Variants in HDAC4 observed in about 807,000 individuals in gnomAD.
HDAC4 encodes the protein histone deacetylase A.
Under a neutral mutation model 135.1 loss-of-function variants are expected in HDAC4, and 16 were observed. The ratio of observed to expected loss-of-function variants is 0.12; its 90% CI spans 0.08 to 0.18. HDAC4 has a LOEUF of 0.18. Ranked by LOEUF, HDAC4 falls within the 10% of genes least tolerant of loss-of-function variation. The pLI is 1.00. For missense variants in HDAC4, 1,143 were observed against 1,511.8 expected (o/e 0.76, Z 4.05); for synonymous variants, 685 against 653.4 (o/e 1.05, Z -0.74).
chr2:239,310,965 T>G (rs909991271), intron 2 of HDAC4, among the ~76,000 whole-genome samples: 3 of 152,308 alleles, frequency 2.0e-5, no homozygotes, highest in South Asian at 2.1e-4. Context: ...GCCCTAATAC[T>G]AAGCAAGAGC....
At chr2:239,144,864 G>A (rs982527355) in intron 7 of HDAC4, 150 bp from the exon 8 acceptor site, 10 of 754,312 alleles carry the variant, frequency 1.3e-5, no homozygotes, top group Non-Finnish European at 2.1e-5. Context: ...GGGAGCTCAC[G>A]AAGCAGGGGA....
At chr2:239,255,127 T>G (rs1463552666) in intron 2 of HDAC4, among the ~76,000 whole-genome samples, 2 of 152,250 alleles carry the variant, frequency 1.3e-5, no homozygotes, top group African/African-American at 2.4e-5. Context: ...CAAGGGATTA[T>G]GTCAGAAGGA....
intron 1 of HDAC4, among the ~76,000 whole-genome samples, chr2:239,359,787 G>T (rs1693742478): frequency 6.6e-6 from 1 of 152,204 alleles, no homozygotes; most frequent in Admixed American, 6.5e-5. Context: ...GGAAGCAGAA[G>T]ACTCGGGAAT....
intron 2 of HDAC4, among the ~76,000 whole-genome samples, chr2:239,243,469 A>G (rs2048307784): frequency 6.6e-6 from 1 of 152,152 alleles, no homozygotes; most frequent in Non-Finnish European, 1.5e-5. Flanking sequence ...TTAACATTCT[A>G]AAGTGTGTTT....
chr2:239,229,791 G>A (rs1299692420), intron 3 of HDAC4, among the ~76,000 whole-genome samples: 2 of 152,170 alleles, frequency 1.3e-5, no homozygotes, highest in Non-Finnish European at 2.9e-5. Context: ...TGTGGATGAG[G>A]CCTCCAGGAA....
chr2:239,336,729 G>A lies in HDAC4; in HGVS notation c.22+15949C>T, dbSNP rs530564981. 3.9e-5 allele frequency among the ~76,000 whole-genome samples: 6 copies of A among 152,300 alleles called. No individual in the cohort carries two copies. In the East Asian group the frequency reaches 1.2e-3, roughly 29 times the overall value. On this transcript the variant is annotated intron_variant, in intron 2 of 26. Coordinates refer to ENST00000543185, the MANE Select transcript of HDAC4 (RefSeq NM_001378414.1). The stretch of plus-strand genomic sequence containing the variant: ...CCAATACCACCTGCACATTCCCCGC[G>A]ATTATTAGCATCCTACCTTACTACG...
At chr2:239,205,174 T>C (rs1028745411) in intron 3 of HDAC4, among the ~76,000 whole-genome samples, 2 of 152,184 alleles carry the variant, frequency 1.3e-5, no homozygotes, top group Admixed American at 1.3e-4. Flanking sequence ...AACCTCTACA[T>C]ACTGTCAGAA....
intron 2 of HDAC4, among the ~76,000 whole-genome samples, chr2:239,321,992 A>G (rs2053331966): frequency 6.6e-6 from 1 of 152,250 alleles, no homozygotes; most frequent in Non-Finnish European, 1.5e-5. Flanking sequence ...AAGCGGAAGT[A>G]CACTCCACAG....
At chr2:239,288,186 G>A (rs1006377553) in intron 2 of HDAC4, among the ~76,000 whole-genome samples, 7 of 152,082 alleles carry the variant, frequency 4.6e-5, no homozygotes, top group African/African-American at 1.7e-4. Flanking sequence ...CAAACAAGCT[G>A]AATCCACTGG....
In HDAC4 at chr2:239,115,649, G is replaced by A. The variant is rs2152811333; in HGVS notation, c.1534-339C>T. On this transcript the variant is annotated intron_variant, in intron 12 of 26. Coordinates refer to ENST00000543185, the MANE Select transcript of HDAC4 (RefSeq NM_001378414.1). This position sits in a 1 kb window ranked among gnomAD's most constrained non-coding sequence, Gnocchi z 6.3. ...GCTGCAGGTGTCAACAGAGTCTGCA[G>A]AGGAGAGCTTGAGTGTGAAGGGGAG... Among the ~76,000 whole-genome samples, 1 of 152,198 alleles carries A rather than the reference G, an allele frequency of 6.6e-6. No homozygotes were observed. The highest frequency in any genetic ancestry group is 1.9e-4 in the East Asian group (1 of 5,160).
chr2:239,302,730 C>T (rs569306611), intron 2 of HDAC4, among the ~76,000 whole-genome samples: 5 of 152,364 alleles, frequency 3.3e-5, no homozygotes, highest in East Asian at 3.9e-4. Context: ...ATGTGCTTCA[C>T]GCAGAGCGTT....
At chr2:239,171,798 CTCA>C (rs1418961984) in intron 5 of HDAC4, among the ~76,000 whole-genome samples, 1 of 152,168 alleles carries the variant, frequency 6.6e-6, no homozygotes, top group African/African-American at 2.4e-5. Context: ...GGATGGACAG[CTCA>C]TTTCTGGAGA....
chr2:239,107,285 C>T (rs1053708712), intron 15 of HDAC4, among the ~76,000 whole-genome samples: 1 of 152,220 alleles, frequency 6.6e-6, no homozygotes, highest in Non-Finnish European at 1.5e-5. Flanking sequence ...CCTGGGAGTC[C>T]ACTGCAGCCA....
At chr2:239,380,778 C>T (rs1375408134) in intron 1 of HDAC4, among the ~76,000 whole-genome samples, 1 of 152,174 alleles carries the variant, frequency 6.6e-6, no homozygotes, top group African/African-American at 2.4e-5. Flanking sequence ...ACTGCTTGTT[C>T]ACATGGATTC....
chr2:239,140,890 C>G (rs757514416), intron 8 of HDAC4: 1 of 454,472 alleles, frequency 2.2e-6, no homozygotes, highest in Admixed American at 2.4e-5. Context: ...GGTATCCACG[C>G]CTGCTGGAGG....
intron 1 of HDAC4, among the ~76,000 whole-genome samples, chr2:239,376,624 G>A (rs1341312893): frequency 2.0e-5 from 3 of 152,248 alleles, no homozygotes; most frequent in Non-Finnish European, 4.4e-5. Context: ...CCCAGGGGGA[G>A]GTGATGAACG....
chr2:239,199,809 C>T (rs180872779), intron 3 of HDAC4, among the ~76,000 whole-genome samples: 2 of 151,654 alleles, frequency 1.3e-5, no homozygotes, highest in South Asian at 4.2e-4. Context: ...TCTTGGCTCA[C>T]TGCAAGCTCC....
intron 3 of HDAC4, chr2:239,191,090 T>A: frequency 2.3e-6 from 1 of 439,598 alleles, no homozygotes; most frequent in Non-Finnish European, 4.7e-6. Context: ...CCAGCCTGCC[T>A]GCTCCCCTCC....
chr2:239,135,217 T>C (rs1343536807), intron 9 of HDAC4, among the ~76,000 whole-genome samples: 1 of 152,206 alleles, frequency 6.6e-6, no homozygotes, highest in African/African-American at 2.4e-5. Flanking sequence ...ACATCTCATG[T>C]ACCCCACAAA....
Sources: allele counts gnomAD v4.1 joint callset (sites outside exome capture counted in the v4.1 genomes callset), GRCh38; gene constraint gnomAD v4.1.1; non-coding constraint Gnocchi (gnomAD v3.1); transcripts MANE v1.5; gene names NCBI Gene and HGNC (gene_info 2026-07-23, HGNC 2026-07-21).